Variants in CHCHD6 observed in about 807,000 individuals in gnomAD.
The protein encoded by CHCHD6 is MICOS complex subunit MIC25.
In CHCHD6, 28 loss-of-function variants were observed where a neutral mutation model predicts 32.3. That is an observed-to-expected ratio of 0.87 (90% CI 0.64 to 1.19). The LOEUF is 1.19. Among genes scored for constraint, CHCHD6 ranks in the 50% most tolerant of loss-of-function variants. The pLI is 0.00. For missense variants in CHCHD6, 333 were observed against 307.0 expected, an observed-to-expected ratio of 1.08 and a Z score of -0.63; for synonymous variants, 122 against 117.5, an observed-to-expected ratio of 1.04 and a Z score of -0.25.
intron 4 of CHCHD6, among the ~76,000 whole-genome samples, chr3:126,741,203 A>G (rs542877069): frequency 6.6e-6 from 1 of 152,292 alleles, no homozygotes; most frequent in African/African-American, 2.4e-5. Context: ...TGTTTCTATG[A>G]TGCTGCCTTA....
intron 4 of CHCHD6, among the ~76,000 whole-genome samples, chr3:126,804,824 C>G (rs1406991584): frequency 6.6e-6 from 1 of 152,080 alleles, no homozygotes; most frequent in African/African-American, 2.4e-5. Flanking sequence ...AAACCAAATC[C>G]AGCAGCACAT....
chr3:126,871,732 C>A (rs1345150207), intron 5 of CHCHD6, among the ~76,000 whole-genome samples: 2 of 139,448 alleles, frequency 1.4e-5, no homozygotes, highest in Non-Finnish European at 3.0e-5. Flanking sequence ...GTGGCGCAAT[C>A]TTGGCTCACT....
chr3:126,832,302 CT>C (rs964223644), intron 4 of CHCHD6, among the ~76,000 whole-genome samples: 10 of 152,194 alleles, frequency 6.6e-5, no homozygotes, highest in Non-Finnish European at 1.5e-5. Flanking sequence ...TCTCCTGTCT[CT>C]TCCTCTCTCC....
At chr3:126,748,848 C>A (rs548492106) in intron 4 of CHCHD6, among the ~76,000 whole-genome samples, 1 of 152,074 alleles carries the variant, frequency 6.6e-6, no homozygotes, top group South Asian at 2.1e-4. Flanking sequence ...AGAAGTGACC[C>A]GATCCTGACC....
intron 5 of CHCHD6, among the ~76,000 whole-genome samples, chr3:126,877,360 C>G (rs1477744970): frequency 1.3e-5 from 2 of 152,048 alleles, no homozygotes; most frequent in Non-Finnish European, 2.9e-5. Flanking sequence ...TCGAGACTGT[C>G]CTAGCTAACA....
intron 4 of CHCHD6, among the ~76,000 whole-genome samples, chr3:126,808,708 A>T (rs1016859563): frequency 1.3e-5 from 2 of 152,158 alleles, no homozygotes; most frequent in African/African-American, 4.8e-5. Flanking sequence ...AGCAAAAAGA[A>T]ATCAGAAGGA....
In CHCHD6 at chr3:126,949,382, G is replaced by A. The variant is rs547207097; in HGVS notation, c.567-8034G>A. On this transcript the variant is annotated intron_variant, in intron 6 of 7. Coordinates refer to ENST00000290913, the MANE Select transcript of CHCHD6 (RefSeq NM_032343.3). Reference sequence around the variant, plus strand: ...GAAGGCTGCACAGACACCTGCCATGGACGGAAAAAGGGAAGGCTGCACCAA... The same window carrying A: ...GAAGGCTGCACAGACACCTGCCATGAACGGAAAAAGGGAAGGCTGCACCAA... 56 of 229,960 alleles carry A rather than the reference G, an allele frequency of 2.4e-4. No homozygotes were observed. The Middle Eastern group carries it at 4.9e-3, about 20-fold the overall frequency. The allele number at this position is 229,960 out of a possible 1,614,324, so 14.2% of individuals were successfully genotyped here. A position where few individuals can be genotyped will look rare whatever the true frequency, so the allele number is the denominator to read the frequency against.
intron 4 of CHCHD6, among the ~76,000 whole-genome samples, chr3:126,839,376 C>A (rs980079169): frequency 6.6e-6 from 1 of 152,148 alleles, no homozygotes; most frequent in African/African-American, 2.4e-5. Flanking sequence ...ATACCTATGC[C>A]AAGTTGGCAT....
intron 5 of CHCHD6, among the ~76,000 whole-genome samples, chr3:126,910,275 A>AG (rs2078069159): frequency 2.0e-5 from 3 of 150,536 alleles, no homozygotes; most frequent in Non-Finnish European, 4.4e-5. Context: ...TGCCTCAGGA[A>AG]AAAAAAAAAA....
chr3:126,783,682 A>G (rs1023199881), intron 4 of CHCHD6, among the ~76,000 whole-genome samples: 14 of 151,808 alleles, frequency 9.2e-5, no homozygotes, highest in African/African-American at 3.4e-4. Flanking sequence ...TCCCATTTAC[A>G]TAGCATCAAC....
At chr3:126,861,236 C>G (rs529900902) in intron 5 of CHCHD6, among the ~76,000 whole-genome samples, 8 of 152,094 alleles carry the variant, frequency 5.3e-5, no homozygotes, top group African/African-American at 1.9e-4. Flanking sequence ...GTCCACAGAC[C>G]TACAGTTTTT....
intron 4 of CHCHD6, among the ~76,000 whole-genome samples, chr3:126,808,315 C>T (rs1178711175): frequency 6.6e-6 from 1 of 152,112 alleles, no homozygotes; most frequent in Non-Finnish European, 1.5e-5. Context: ...AAGGGACATT[C>T]CATCACTTTT....
intron 1 of CHCHD6, 113 bp from the exon 2 acceptor site, chr3:126,726,965 G>T: frequency 1.4e-6 from 1 of 723,912 alleles, no homozygotes. Flanking sequence ...GTTGGAGTTG[G>T]TCTTGAGGAA....
intron 5 of CHCHD6, among the ~76,000 whole-genome samples, chr3:126,889,200 G>A (rs2077721633): frequency 6.6e-6 from 1 of 152,178 alleles, no homozygotes. Flanking sequence ...CATCAGAGGT[G>A]ACGTGGAGAG....
At chr3:126,957,848 C>T (rs1040809422) in intron 7 of CHCHD6, 7 of 492,954 alleles carry the variant, frequency 1.4e-5, no homozygotes, top group East Asian at 7.4e-5. Flanking sequence ...CTTCAAGGGC[C>T]GGGCCCCTTG....
At chr3:126,789,132 T>C (rs1481571170) in intron 4 of CHCHD6, among the ~76,000 whole-genome samples, 2 of 152,226 alleles carry the variant, frequency 1.3e-5, no homozygotes, top group African/African-American at 2.4e-5. Flanking sequence ...TTGAGCAGTT[T>C]TGAGTGAGTT....
chr3:126,807,240 C>G (rs909044027), intron 4 of CHCHD6, among the ~76,000 whole-genome samples: 2 of 151,324 alleles, frequency 1.3e-5, no homozygotes, highest in African/African-American at 4.9e-5. Context: ...CCTCCATAGT[C>G]CCAAACAAAC....
At chr3:126,808,571 A>G (rs902758969) in intron 4 of CHCHD6, among the ~76,000 whole-genome samples, 3 of 152,232 alleles carry the variant, frequency 2.0e-5, no homozygotes, top group Non-Finnish European at 2.9e-5. Flanking sequence ...GTACACAGTG[A>G]TACCAGCCAT....
chr3:126,943,301 C>G (rs747187587), intron 6 of CHCHD6, among the ~76,000 whole-genome samples: 10 of 152,188 alleles, frequency 6.6e-5, no homozygotes, highest in Non-Finnish European at 1.2e-4. Context: ...GAAAACAACT[C>G]AAAGTCCTTT....
Sources: allele counts gnomAD v4.1 joint callset (sites outside exome capture counted in the v4.1 genomes callset), GRCh38; gene constraint gnomAD v4.1.1; transcripts MANE v1.5; gene names NCBI Gene and HGNC (gene_info 2026-07-23, HGNC 2026-07-21).